The following CTDSPL2 variants were observed in gnomAD, a reference collection of about 807,000 sequenced individuals.
The protein encoded by CTDSPL2 is CTD small phosphatase-like protein 2.
CTDSPL2 carries 5 observed loss-of-function variants against 60.0 expected under a neutral mutation model. That is an observed-to-expected ratio of 0.08 (90% CI 0.04 to 0.18). The LOEUF (loss-of-function observed/expected upper bound fraction) is 0.18. Ranked by LOEUF, CTDSPL2 falls within the 10% of genes least tolerant of loss-of-function variation. The pLI, the probability that CTDSPL2 is intolerant of heterozygous loss-of-function variation, is 1.00. For missense variants in CTDSPL2, 370 were observed against 548.8 expected, an observed-to-expected ratio of 0.67 and a Z score of 3.26; for synonymous variants, 186 against 189.3, an observed-to-expected ratio of 0.98 and a Z score of 0.14.
At chr15:44,501,434 A>G (rs1190036704) in intron 8 of CTDSPL2, among the ~76,000 whole-genome samples, 1 of 152,134 alleles carries the variant, frequency 6.6e-6, no homozygotes, top group Non-Finnish European at 1.5e-5. Context: ...CAGTATGATC[A>G]TAAAATTGAA....
At chr15:44,506,343 G>A (rs2081463668) in intron 8 of CTDSPL2, among the ~76,000 whole-genome samples, 1 of 149,682 alleles carries the variant, frequency 6.7e-6, no homozygotes. Context: ...AGCCCCATTG[G>A]TAACTTTTAA....
intron 2 of CTDSPL2, among the ~76,000 whole-genome samples, chr15:44,466,363 A>C (rs2080691275): frequency 2.6e-5 from 4 of 152,220 alleles, no homozygotes; most frequent in Admixed American, 2.6e-4. Context: ...TTTGCCACTT[A>C]CTATGGAATG....
intron 2 of CTDSPL2, among the ~76,000 whole-genome samples, chr15:44,477,105 T>G (rs2080934181): frequency 6.6e-6 from 1 of 152,230 alleles, no homozygotes; most frequent in Non-Finnish European, 1.5e-5. Context: ...GCTGCACACC[T>G]GTAGTCCCAG....
rs769100885 is a variant in CTDSPL2, at chr15:44,499,591, C to CAT, written c.883-132_883-131dup. On this transcript the variant is annotated intron_variant, in intron 7 of 12. Transcript: ENST00000260327. ...ACTCCTACCCCAAATTGCTGTGCCA[C>CAT]ATATAGTAATATATTATAAATGTAA... 1.0e-4 allele frequency: 49 copies of CAT among 482,414 alleles called. 1 individual carries two copies. The highest frequency in any genetic ancestry group is 1.6e-4 in the Non-Finnish European group (43 of 274,040). 29.9% of individuals were successfully genotyped at this position (482,414 alleles called of 1,614,324 possible).
chr15:44,480,525 A>G (rs1314909649), intron 2 of CTDSPL2, among the ~76,000 whole-genome samples: 1 of 152,176 alleles, frequency 6.6e-6, no homozygotes, highest in East Asian at 1.9e-4. Context: ...TCATATATTT[A>G]AGAACACCTT....
chr15:44,483,088 G>C (rs1595745137), intron 2 of CTDSPL2, among the ~76,000 whole-genome samples: 1 of 152,044 alleles, frequency 6.6e-6, no homozygotes, highest in East Asian at 1.9e-4. Flanking sequence ...GTGATGCCCT[G>C]TCTCTACTAA....
intron 10 of CTDSPL2, among the ~76,000 whole-genome samples, chr15:44,515,106 C>T (rs758255637): frequency 8.7e-5 from 13 of 150,192 alleles, no homozygotes; most frequent in Non-Finnish European, 1.5e-4. Context: ...TTGGGGAAGA[C>T]GGGGGTTGGG....
chr15:44,439,117 C>T (rs1163292958), intron 1 of CTDSPL2, among the ~76,000 whole-genome samples: 1 of 146,414 alleles, frequency 6.8e-6, no homozygotes, highest in Non-Finnish European at 1.5e-5. Context: ...TTTTCCCAAG[C>T]TTTATATTAT....
At chr15:44,514,252 A>G (rs1404795347) in intron 8 of CTDSPL2, among the ~76,000 whole-genome samples, 4 of 152,236 alleles carry the variant, frequency 2.6e-5, no homozygotes, top group Non-Finnish European at 5.9e-5. Flanking sequence ...GATGGATGCT[A>G]CCTGGCTGGA....
intron 4 of CTDSPL2, among the ~76,000 whole-genome samples, chr15:44,489,166 CT>C (rs2081175588): frequency 6.6e-6 from 1 of 150,548 alleles, no homozygotes; most frequent in Non-Finnish European, 1.5e-5. Context: ...TCCCCTCCCC[CT>C]GCCTTTCCCT....
rs560450771 is a variant in CTDSPL2 at position 44,493,471 on chromosome 15, A to G, written c.691+2472A>G. ...TTTTGCAGGCTAAAGGAGATAAAAT[A>G]GGCAAAATACTTAGCATATAAGCAC... On this transcript the variant is annotated intron_variant, in intron 5 of 12. Transcript: ENST00000260327. Among the ~76,000 whole-genome samples the G allele has an allele frequency of 7.1e-4, 108 of 152,306 alleles. 1 individual carries two copies. Among genetic ancestry groups the G allele is most frequent in the Middle Eastern group, 3.4e-3 (1 of 294 alleles).
intron 6 of CTDSPL2, 24 bp from the exon 7 acceptor site, chr15:44,497,003 A>G: frequency 4.9e-6 from 7 of 1,420,058 alleles, no homozygotes; most frequent in Non-Finnish European, 6.9e-6. Context: ...AAATGTTGAA[A>G]TTTTCTTAAA....
intron 9 of CTDSPL2, 41 bp from the exon 10 acceptor site, chr15:44,514,724 G>T: frequency 6.5e-7 from 1 of 1,528,266 alleles, no homozygotes; most frequent in South Asian, 1.1e-5. Context: ...CCCATATTTA[G>T]ACCATGTATA....
At chr15:44,521,123 T>G in intron 11 of CTDSPL2, 188 bp from the exon 12 acceptor site, 1 of 337,218 alleles carries the variant, frequency 3.0e-6, no homozygotes, top group South Asian at 7.1e-5. Context: ...ACCAATAGGC[T>G]TCAATTTATT....
At chr15:44,447,474 A>C (rs537415832) in intron 1 of CTDSPL2, 1 of 152,496 alleles carries the variant, frequency 6.6e-6, no homozygotes, top group African/African-American at 2.4e-5. Context: ...AGATTTCATC[A>C]AAAAGCAACA....
chr15:44,468,656 G>T (rs1464957821), intron 2 of CTDSPL2, among the ~76,000 whole-genome samples: 1 of 152,156 alleles, frequency 6.6e-6, no homozygotes, highest in African/African-American at 2.4e-5. Flanking sequence ...CTCTGTTGCA[G>T]CTACTATTCA....
chr15:44,472,804 C>T (rs1026761174), intron 2 of CTDSPL2, among the ~76,000 whole-genome samples: 2 of 152,256 alleles, frequency 1.3e-5, no homozygotes, highest in Non-Finnish European at 2.9e-5. Context: ...CCTGGGATTA[C>T]AGGCACATGC....
intron 8 of CTDSPL2, among the ~76,000 whole-genome samples, chr15:44,513,237 G>A (rs1261177209): frequency 1.3e-5 from 2 of 152,096 alleles, no homozygotes; most frequent in African/African-American, 2.4e-5. Flanking sequence ...AGGCCAAGAC[G>A]GGCGGATCAC....
intron 4 of CTDSPL2, among the ~76,000 whole-genome samples, chr15:44,489,095 C>T (rs1488071225): frequency 2.0e-5 from 3 of 152,038 alleles, no homozygotes; most frequent in Non-Finnish European, 2.9e-5. Context: ...ACCCCATACA[C>T]ACACAACCTC....
Sources: gnomAD v4.1 joint callset for allele counts (sites outside exome capture counted in the v4.1 genomes callset) on GRCh38, gnomAD v4.1.1 for gene constraint, MANE v1.5 for transcripts, NCBI Gene and HGNC (gene_info 2026-07-23, HGNC 2026-07-21) for gene names.